RNF214: variants seen among roughly 807,000 people sequenced by gnomAD.
RNF214 encodes ring finger protein 214.
In RNF214, 25 loss-of-function variants were observed where a neutral mutation model predicts 75.9. The observed-to-expected ratio is 0.33, with a 90% CI of 0.24 to 0.46. The LOEUF is 0.46. RNF214 is among the 20% of genes least tolerant of loss of function. RNF214 has a pLI of 1.00. For synonymous variants in RNF214, 314 were observed against 308.8 expected, an observed-to-expected ratio of 1.02 and a Z score of -0.18; for missense variants, 725 against 857.5, an observed-to-expected ratio of 0.85 and a Z score of 1.93.
intron 6 of RNF214, among the ~76,000 whole-genome samples, chr11:117,272,061 A>G (rs1028447950): frequency 6.6e-6 from 1 of 152,040 alleles, no homozygotes; most frequent in Non-Finnish European, 1.5e-5. Flanking sequence ...TGATCCTCCT[A>G]CTTTGGCCTT....
intron 4 of RNF214, among the ~76,000 whole-genome samples, chr11:117,243,714 T>G (rs1311549573): frequency 1.3e-5 from 2 of 152,124 alleles, no homozygotes. Flanking sequence ...CTTCTATTTA[T>G]TTATTTATTA....
chr11:117,236,263 G>A (rs570380897), intron 2 of RNF214, among the ~76,000 whole-genome samples: 96 of 149,908 alleles, frequency 6.4e-4, no homozygotes, highest in African/African-American at 2.2e-3. Flanking sequence ...ACCTAGCTCC[G>A]TCAATTTTTT....
intron 6 of RNF214, among the ~76,000 whole-genome samples, chr11:117,273,974 A>G (rs1024965149): frequency 6.6e-6 from 1 of 152,178 alleles, no homozygotes; most frequent in Non-Finnish European, 1.5e-5. Flanking sequence ...TTGTCTATAG[A>G]ACACTTAAGG....
intron 2 of RNF214, among the ~76,000 whole-genome samples, chr11:117,235,084 A>T (rs970038353): frequency 3.3e-5 from 5 of 152,282 alleles, no homozygotes; most frequent in African/African-American, 7.2e-5. Flanking sequence ...AATGTTATGT[A>T]AATAGTTGTG....
chr11:117,245,582 T>C (rs939990463), intron 5 of RNF214, among the ~76,000 whole-genome samples: 1 of 151,998 alleles, frequency 6.6e-6, no homozygotes, highest in East Asian at 2.0e-4. Flanking sequence ...GACCTCATGA[T>C]CCACCTGCCT....
chr11:117,268,390 T>C (rs1016171415), intron 6 of RNF214, among the ~76,000 whole-genome samples: 25 of 152,326 alleles, frequency 1.6e-4, no homozygotes, highest in African/African-American at 6.0e-4. Flanking sequence ...ATTTTTGGCC[T>C]TTAGAAAGAT....
chr11:117,252,589 T>C (rs925434063), intron 6 of RNF214, among the ~76,000 whole-genome samples: 4 of 152,124 alleles, frequency 2.6e-5, no homozygotes, highest in African/African-American at 7.2e-5. Context: ...GGCGTGATCT[T>C]GGTTCACTGC....
At chr11:117,245,921 G>A (rs1268824295) in intron 5 of RNF214, among the ~76,000 whole-genome samples, 3 of 152,126 alleles carry the variant, frequency 2.0e-5, no homozygotes, top group Non-Finnish European at 4.4e-5. Context: ...TCTTATGGGT[G>A]GAAGTGGTAT....
intron 6 of RNF214, among the ~76,000 whole-genome samples, chr11:117,248,020 C>G (rs1353262699): frequency 6.6e-6 from 1 of 152,124 alleles, no homozygotes; most frequent in Non-Finnish European, 1.5e-5. Context: ...TTTCTGGGTA[C>G]TGCAGAAAAA....
intron 6 of RNF214, among the ~76,000 whole-genome samples, chr11:117,253,560 GT>G (rs2033451109): frequency 6.6e-6 from 1 of 152,190 alleles, no homozygotes; most frequent in African/African-American, 2.4e-5. Context: ...GACTTATTGT[GT>G]GCAGGTGCGA....
At chr11:117,271,338 C>G (rs2033906064) in intron 6 of RNF214, among the ~76,000 whole-genome samples, 1 of 152,194 alleles carries the variant, frequency 6.6e-6, no homozygotes, top group Non-Finnish European at 1.5e-5. Flanking sequence ...GTTTTTGTCT[C>G]TTATTTAGCA....
chr11:117,267,296 A>G (rs1440225233), intron 6 of RNF214, among the ~76,000 whole-genome samples: 3 of 152,188 alleles, frequency 2.0e-5, no homozygotes, highest in Non-Finnish European at 4.4e-5. Context: ...TTTGTGGCCC[A>G]AGAAATCTTT....
At chr11:117,270,362 A>G (rs900016438) in intron 6 of RNF214, among the ~76,000 whole-genome samples, 2 of 145,576 alleles carry the variant, frequency 1.4e-5, no homozygotes, top group Non-Finnish European at 3.0e-5. Flanking sequence ...GGCTGCGATG[A>G]TCCTTCCACC....
chr11:117,247,856 C>CAA (rs769342396), intron 6 of RNF214, among the ~76,000 whole-genome samples: 19 of 60,108 alleles, frequency 3.2e-4, no homozygotes, highest in Middle Eastern at 0.013. Flanking sequence ...GACCCTGTCT[C>CAA]AAAAAAAAAA....
intron 6 of RNF214, among the ~76,000 whole-genome samples, chr11:117,270,514 C>T (rs2033888253): frequency 6.6e-6 from 1 of 151,160 alleles, no homozygotes; most frequent in South Asian, 2.1e-4. Flanking sequence ...TCACTGCAAC[C>T]TCCACCTCCC....
chr11:117,245,039 C>T (rs961884406), intron 5 of RNF214, among the ~76,000 whole-genome samples: 1 of 151,394 alleles, frequency 6.6e-6, no homozygotes, highest in Non-Finnish European at 1.5e-5. Flanking sequence ...AAAGGCAAGG[C>T]GGGGTGTGGT....
chr11:117,233,191 C>T (rs1290575215), intron 1 of RNF214, among the ~76,000 whole-genome samples: 1 of 152,244 alleles, frequency 6.6e-6, no homozygotes, highest in Non-Finnish European at 1.5e-5. Context: ...GAGTTGCATG[C>T]ATGGCCCTTG....
At chr11:117,233,669 C>T (rs983958834) in intron 1 of RNF214, among the ~76,000 whole-genome samples, 3 of 152,168 alleles carry the variant, frequency 2.0e-5, no homozygotes, top group African/African-American at 7.2e-5. Flanking sequence ...TTTTGCACCA[C>T]TAGTCACTCT....
chr11:117,245,191 C>T (rs1004913847), intron 5 of RNF214, among the ~76,000 whole-genome samples: 3 of 150,394 alleles, frequency 2.0e-5, no homozygotes, highest in Non-Finnish European at 4.4e-5. Flanking sequence ...TGGTGGTGTG[C>T]ACCTGTGGTC....
Sources: allele counts gnomAD v4.1 joint callset (sites outside exome capture counted in the v4.1 genomes callset), GRCh38; gene constraint gnomAD v4.1.1; transcripts MANE v1.5; gene names NCBI Gene and HGNC (gene_info 2026-07-23, HGNC 2026-07-21).